The following TENM1 variants were observed in gnomAD, a reference collection of about 807,000 sequenced individuals.
TENM1 encodes the protein teneurin transmembrane protein 1, also known as teneurin-1.
A neutral mutation model predicts 174.8 loss-of-function variants in TENM1; 35 were observed. The ratio of observed to expected loss-of-function variants is 0.20; its 90% confidence interval spans 0.15 to 0.27. The LOEUF (loss-of-function observed/expected upper bound fraction) is 0.27, where lower values mean the gene tolerates loss of function less well. Ranked by LOEUF, TENM1 falls within the 10% of genes least tolerant of loss-of-function variation. The pLI, the probability that TENM1 is intolerant of heterozygous loss-of-function variation, is 1.00. For missense variants in TENM1, 1,633 were observed against 2,130.1 expected (o/e 0.77, Z 4.59); for synonymous variants, 781 against 798.7 (o/e 0.98, Z 0.37).
the TENM1 span, among the ~76,000 whole-genome samples, chrX:125,120,546 A>T: frequency 9.0e-6 from 1 of 110,860 alleles, no homozygotes; most frequent in Admixed American, 9.7e-5. Flanking sequence ...AACATTTTCA[A>T]AACTAATTCT....
chrX:125,185,955 G>A, the TENM1 span, among the ~76,000 whole-genome samples: 74 of 111,503 alleles, frequency 6.6e-4, no homozygotes, highest in African/African-American at 2.2e-3. Context: ...CTTAATTATA[G>A]AAGAGTATAC....
intron 1 of TENM1, among the ~76,000 whole-genome samples, chrX:124,931,016 C>T (rs760880889): frequency 1.8e-5 from 2 of 111,374 alleles, no homozygotes; most frequent in African/African-American, 3.3e-5. Context: ...AAGCATGTGG[C>T]GACTGGCAGT....
At chrX:124,886,726 AG>A (rs2057396055) in intron 3 of TENM1, among the ~76,000 whole-genome samples, 1 of 99,657 alleles carries the variant, frequency 1.0e-5, no homozygotes, top group Non-Finnish European at 2.0e-5. Flanking sequence ...TATGTAGTGA[AG>A]GTTTTTTTTT....
chrX:124,881,224 C>T (rs2057296159), intron 3 of TENM1, among the ~76,000 whole-genome samples: 1 of 111,307 alleles, frequency 9.0e-6, no homozygotes, highest in South Asian at 3.7e-4. Context: ...TTGATCTGTT[C>T]AGGTTTTCTA....
At chrX:124,607,582 A>C (rs1227021933) in intron 11 of TENM1, among the ~76,000 whole-genome samples, 1 of 111,132 alleles carries the variant, frequency 9.0e-6, no homozygotes. Flanking sequence ...GGTTAGTAGG[A>C]GATGGTGTGA....
chrX:124,458,446 G>A (rs1417085622), intron 22 of TENM1, among the ~76,000 whole-genome samples: 3 of 111,948 alleles, frequency 2.7e-5, no homozygotes, highest in Non-Finnish European at 5.6e-5. Flanking sequence ...AGTGGCATCA[G>A]GATTTCTCCA....
At chrX:124,619,191 T>C (rs938371081) in intron 11 of TENM1, among the ~76,000 whole-genome samples, 2 of 112,311 alleles carry the variant, frequency 1.8e-5, no homozygotes, top group African/African-American at 6.5e-5. Flanking sequence ...AACAATAATA[T>C]ACCTTGAGCT....
At chrX:124,674,759 G>A (rs770012497) in intron 5 of TENM1, among the ~76,000 whole-genome samples, 11 of 111,038 alleles carry the variant, frequency 9.9e-5, no homozygotes, top group African/African-American at 2.9e-4. Context: ...GTATTTTTCC[G>A]TTTTACAGAA....
intron 3 of TENM1, among the ~76,000 whole-genome samples, chrX:124,751,785 T>C (rs1246335155): frequency 2.8e-5 from 3 of 108,265 alleles, no homozygotes; most frequent in Non-Finnish European, 5.8e-5. Flanking sequence ...AATGATGATT[T>C]CCAATTTCAT....
intron 5 of TENM1, among the ~76,000 whole-genome samples, chrX:124,688,994 A>G (rs2052447413): frequency 8.9e-6 from 1 of 112,068 alleles, no homozygotes; most frequent in African/African-American, 3.2e-5. Flanking sequence ...AAAACATCAC[A>G]TTGCGTACCT....
chrX:124,563,311 G>T (rs1424138918), intron 13 of TENM1, among the ~76,000 whole-genome samples: 1 of 109,057 alleles, frequency 9.2e-6, no homozygotes, highest in Non-Finnish European at 1.9e-5. Flanking sequence ...CTTGTATATG[G>T]ACTTGGAGCC....
intron 3 of TENM1, among the ~76,000 whole-genome samples, chrX:124,780,494 T>G (rs2054882773): frequency 9.0e-6 from 1 of 111,669 alleles, no homozygotes; most frequent in Non-Finnish European, 1.9e-5. Flanking sequence ...TTTAGATGGC[T>G]TATATCAGTG....
At chrX:124,426,562 G>A (rs1237781252) in intron 23 of TENM1, among the ~76,000 whole-genome samples, 1 of 111,475 alleles carries the variant, frequency 9.0e-6, no homozygotes, top group Non-Finnish European at 1.9e-5. Flanking sequence ...GAGGACAAAG[G>A]TTGTCTTTGA....
At chrX:124,883,257 T>C (rs1235414165) in intron 3 of TENM1, among the ~76,000 whole-genome samples, 1 of 111,941 alleles carries the variant, frequency 8.9e-6, no homozygotes, top group Non-Finnish European at 1.9e-5. Flanking sequence ...GTTGGTTGGG[T>C]AGAAAATTTT....
intron 4 of TENM1, among the ~76,000 whole-genome samples, chrX:124,709,035 A>G (rs2148500974): frequency 9.0e-6 from 1 of 111,708 alleles, no homozygotes; most frequent in Admixed American, 9.5e-5. Context: ...AATCTTCTAG[A>G]TGACTGAACT....
chrX:124,934,636 T>C lies in TENM1; in HGVS notation c.217+28901A>G, dbSNP rs1467967295. ...TTAGAAACAACGGTGGCAGAACAGGTAGGAAACCAGTGGTGCAGCAGATCA... is the reference window on the plus strand; with the variant it reads ...TTAGAAACAACGGTGGCAGAACAGGCAGGAAACCAGTGGTGCAGCAGATCA... On this transcript the variant is annotated intron_variant, in intron 1 of 31. Transcript: ENST00000422452. 2.7e-5 allele frequency among the ~76,000 whole-genome samples: 3 copies of C among 111,444 alleles called. No homozygotes were observed. In the East Asian group the frequency reaches 8.4e-4, roughly 31 times the overall value.
chrX:124,931,529 G>C (rs958108353), intron 1 of TENM1, among the ~76,000 whole-genome samples: 2 of 111,098 alleles, frequency 1.8e-5, no homozygotes, highest in African/African-American at 6.6e-5. Context: ...CCAAGAAAAG[G>C]GTAGGATGAC....
chrX:124,921,449 A>T (rs2058021458), intron 1 of TENM1, among the ~76,000 whole-genome samples: 1 of 111,617 alleles, frequency 9.0e-6, no homozygotes, highest in African/African-American at 3.2e-5. Flanking sequence ...GTTTTATATA[A>T]CAATATAACA....
chrX:125,101,841 T>C, the TENM1 span, among the ~76,000 whole-genome samples: 2 of 108,469 alleles, frequency 1.8e-5, no homozygotes, highest in African/African-American at 3.5e-5. Flanking sequence ...ATACTGACCA[T>C]TAAAACTCTG....
Sources: gnomAD v4.1 joint callset for allele counts (sites outside exome capture counted in the v4.1 genomes callset) on GRCh38, gnomAD v4.1.1 for gene constraint, MANE v1.5 for transcripts, NCBI Gene and HGNC (gene_info 2026-07-23, HGNC 2026-07-21) for gene names.